PDE8A: variants seen among roughly 807,000 people sequenced by gnomAD.
PDE8A encodes phosphodiesterase 8A.
PDE8A carries 59 observed loss-of-function variants against 105.0 expected under a neutral mutation model. That is an observed-to-expected ratio of 0.56 (90% CI 0.46 to 0.70). The LOEUF (loss-of-function observed/expected upper bound fraction) is 0.70, where lower values mean the gene tolerates loss of function less well. PDE8A is among the 30% of genes least tolerant of loss of function. The pLI is 0.00. For synonymous variants in PDE8A, 355 were observed against 371.9 expected, an observed-to-expected ratio of 0.95 and a Z score of 0.52; for missense variants, 1,014 against 1,045.9, an observed-to-expected ratio of 0.97 and a Z score of 0.42.
intron 12 of PDE8A, among the ~76,000 whole-genome samples, chr15:85,109,677 T>C (rs1038665812): frequency 6.6e-6 from 1 of 152,246 alleles, no homozygotes; most frequent in African/African-American, 2.4e-5. Context: ...GCTGTATACA[T>C]TCTTTGGCCC....
intron 1 of PDE8A, 73 bp downstream of exon 1, chr15:84,982,421 C>T: frequency 3.9e-6 from 4 of 1,024,866 alleles, no homozygotes; most frequent in African/African-American, 1.7e-5. Flanking sequence ...CCCGCAGGGG[C>T]CGGGCGGGGT....
rs74027413 is a variant in PDE8A at position 85,114,988 on chromosome 15, A to G, written c.1351-451A>G. 5.1e-3 allele frequency among the ~76,000 whole-genome samples: 777 copies of G among 152,180 alleles called. 2 individuals carry two copies. The highest frequency in any genetic ancestry group is 0.016 in the African/African-American group (673 of 41,510). On this transcript the variant is annotated intron_variant, in intron 14 of 21. Coordinates refer to ENST00000394553, the MANE Select transcript of PDE8A (RefSeq NM_002605.3). Reference sequence around the variant, plus strand: ...TCAACTGTGGGGAATGAGGTCACTTATGAGGTGAGAGAGGAGCTAATGTTT... The same window carrying G: ...TCAACTGTGGGGAATGAGGTCACTTGTGAGGTGAGAGAGGAGCTAATGTTT...
intron 1 of PDE8A, among the ~76,000 whole-genome samples, chr15:85,035,380 T>C (rs1266174391): frequency 6.6e-6 from 1 of 151,856 alleles, no homozygotes; most frequent in East Asian, 1.9e-4. Flanking sequence ...AGCTAATTTT[T>C]TGTATTTTTA....
At chr15:85,080,249 A>G (rs1385419852) in intron 5 of PDE8A, among the ~76,000 whole-genome samples, 1 of 152,118 alleles carries the variant, frequency 6.6e-6, no homozygotes, top group Non-Finnish European at 1.5e-5. Flanking sequence ...CAACCCCCAC[A>G]ACATACATAC....
At chr15:85,022,598 G>A (rs1224634111) in intron 1 of PDE8A, among the ~76,000 whole-genome samples, 1 of 151,238 alleles carries the variant, frequency 6.6e-6, no homozygotes, top group Non-Finnish European at 1.5e-5. Context: ...GCCCAGGCTG[G>A]GGTGCAGTGG....
chr15:85,105,755 C>G (rs1418902078), intron 11 of PDE8A, among the ~76,000 whole-genome samples: 1 of 152,210 alleles, frequency 6.6e-6, no homozygotes, highest in African/African-American at 2.4e-5. Context: ...AGTGTTCTCT[C>G]CACTGGCAGG....
At chr15:85,005,306 G>T (rs1424566865) in intron 1 of PDE8A, among the ~76,000 whole-genome samples, 4 of 152,028 alleles carry the variant, frequency 2.6e-5, no homozygotes, top group African/African-American at 7.3e-5. Flanking sequence ...TGTAGAGAAA[G>T]GTTCTCACTA....
chr15:85,088,460 G>T (rs1028546159), intron 6 of PDE8A, among the ~76,000 whole-genome samples: 1 of 152,236 alleles, frequency 6.6e-6, no homozygotes, highest in African/African-American at 2.4e-5. Context: ...TTTTATGTCT[G>T]CATAATATTC....
At chr15:85,120,399 T>C (rs11631184) in intron 17 of PDE8A, 71,513 of 153,084 alleles carry the variant, frequency 0.47, 16,929 homozygotes, top group African/African-American at 0.55. Flanking sequence ...GAAAACTAAA[T>C]CAATTCCCAG....
intron 1 of PDE8A, among the ~76,000 whole-genome samples, chr15:85,011,865 A>G (rs2080244997): frequency 6.6e-6 from 1 of 152,144 alleles, no homozygotes; most frequent in Non-Finnish European, 1.5e-5. Context: ...AAAACAAACA[A>G]CCCCATCAAA....
rs985367070 is a variant in PDE8A at position 85,113,458 on chromosome 15, T to C, written c.1185+11T>C. On this transcript the variant is annotated intron_variant, in intron 13 of 21. Transcript: ENST00000394553. ...GCGCCCATCACCAAGGTGAAGCAGT[T>C]TGTGGTCTGTCTCCATTGAGCACAC... The C allele has an allele frequency of 1.2e-6, 2 of 1,610,382 alleles. No individual in the cohort carries two copies. The highest frequency in any genetic ancestry group is 2.2e-5 in the East Asian group (1 of 44,860).
At chr15:85,092,100 G>A (rs1000639208) in intron 8 of PDE8A, among the ~76,000 whole-genome samples, 2 of 151,982 alleles carry the variant, frequency 1.3e-5, no homozygotes, top group East Asian at 1.9e-4. Context: ...GCAGGGTGCT[G>A]TGCAAAGCTT....
chr15:85,078,948 T>A (rs1368183608), intron 5 of PDE8A, among the ~76,000 whole-genome samples: 1 of 152,164 alleles, frequency 6.6e-6, no homozygotes, highest in Non-Finnish European at 1.5e-5. Flanking sequence ...AGAGATATAG[T>A]TCCCCAAGGA....
At chr15:85,054,717 C>G (rs1010854704) in intron 1 of PDE8A, among the ~76,000 whole-genome samples, 17 of 152,224 alleles carry the variant, frequency 1.1e-4, no homozygotes, top group Middle Eastern at 3.4e-3. Flanking sequence ...CTTTGTTAGT[C>G]TTGCTAGCGG....
At chr15:85,037,591 A>G (rs574618381) in intron 1 of PDE8A, among the ~76,000 whole-genome samples, 7 of 152,218 alleles carry the variant, frequency 4.6e-5, no homozygotes, top group Non-Finnish European at 8.8e-5. Context: ...ATGTTTCATG[A>G]TGGTTCTTTA....
At chr15:85,136,913 G>A (rs951786452) in intron 21 of PDE8A, among the ~76,000 whole-genome samples, 1 of 152,074 alleles carries the variant, frequency 6.6e-6, no homozygotes, top group Admixed American at 6.6e-5. Context: ...GCTTGTAGTA[G>A]AGCAGCTAGG....
chr15:85,067,466 A>G (rs16974757), intron 3 of PDE8A, among the ~76,000 whole-genome samples: 13,475 of 152,228 alleles, frequency 0.089, 1,659 homozygotes, highest in African/African-American at 0.28. Flanking sequence ...GTAATTAACC[A>G]CAAGTATCAC....
chr15:85,036,083 A>G (rs1196197957), intron 1 of PDE8A, among the ~76,000 whole-genome samples: 10 of 152,244 alleles, frequency 6.6e-5, no homozygotes, highest in Non-Finnish European at 1.2e-4. Context: ...AACATATTTT[A>G]AAACAGGAAT....
chr15:85,087,331 T>C (rs1289204732), intron 6 of PDE8A, among the ~76,000 whole-genome samples: 1 of 152,114 alleles, frequency 6.6e-6, no homozygotes, highest in African/African-American at 2.4e-5. Flanking sequence ...GCTTCTCAAG[T>C]AGCTAGGACT....
Sources: allele counts gnomAD v4.1 joint callset (sites outside exome capture counted in the v4.1 genomes callset), GRCh38; gene constraint gnomAD v4.1.1; transcripts MANE v1.5; gene names NCBI Gene and HGNC (gene_info 2026-07-23, HGNC 2026-07-21).